SLC25A48: variants seen among roughly 807,000 people sequenced by gnomAD.
The protein encoded by SLC25A48 is solute carrier family 25 member 48.
In SLC25A48, 29 loss-of-function variants were observed where a neutral mutation model predicts 32.2. The ratio of observed to expected loss-of-function variants is 0.90; its 90% CI spans 0.67 to 1.23. The LOEUF (loss-of-function observed/expected upper bound fraction) is 1.23. Among genes scored for constraint, SLC25A48 ranks in the 50% most tolerant of loss-of-function variants. The probability of loss-of-function intolerance (pLI) is 0.00; values close to 1 mark genes in which losing one functional copy is unlikely to be tolerated. For synonymous variants in SLC25A48, 164 were observed against 172.3 expected (o/e 0.95, Z 0.38); for missense variants, 399 against 422.7 (o/e 0.94, Z 0.49).
chr5:135,792,963 A>G (rs2126634707), intron 3 of SLC25A48, among the ~76,000 whole-genome samples: 1 of 151,772 alleles, frequency 6.6e-6, no homozygotes, highest in African/African-American at 2.4e-5. Context: ...GTGGATATAC[A>G]CCATGTATGT....
At chr5:135,694,454 C>T (rs1754221361) in intron 3 of SLC25A48, among the ~76,000 whole-genome samples, 1 of 152,112 alleles carries the variant, frequency 6.6e-6, no homozygotes, top group African/African-American at 2.4e-5. Context: ...AAAATGGCTC[C>T]CCAGAAGCGG....
At chr5:135,626,566 C>CTG (rs138468493) in intron 1 of SLC25A48, among the ~76,000 whole-genome samples, 1 of 151,682 alleles carries the variant, frequency 6.6e-6, no homozygotes, top group African/African-American at 2.4e-5. Context: ...AAGTGTGTGT[C>CTG]TGTGTGTGTG....
At chr5:135,727,600 G>A (rs1003936424) in intron 3 of SLC25A48, among the ~76,000 whole-genome samples, 2 of 151,908 alleles carry the variant, frequency 1.3e-5, no homozygotes, top group Admixed American at 1.3e-4. Context: ...GTGAGATTTG[G>A]GTCAAGGGTT....
chr5:135,726,491 A>G (rs1755092229), intron 3 of SLC25A48, among the ~76,000 whole-genome samples: 1 of 151,948 alleles, frequency 6.6e-6, no homozygotes, highest in Non-Finnish European at 1.5e-5. Flanking sequence ...CTTCTTAACC[A>G]TTTGCAGCCA....
intron 3 of SLC25A48, among the ~76,000 whole-genome samples, chr5:135,685,553 C>A (rs1192673354): frequency 6.6e-6 from 1 of 151,820 alleles, no homozygotes; most frequent in South Asian, 2.1e-4. Context: ...ATACCTCGGC[C>A]TCCTGAGTAG....
chr5:135,816,878 T>C (rs767492926), intron 4 of SLC25A48, among the ~76,000 whole-genome samples: 4 of 152,172 alleles, frequency 2.6e-5, no homozygotes, highest in African/African-American at 4.8e-5. Context: ...GAATGTAACA[T>C]TGTATTTGAC....
chr5:135,686,645 C>A (rs1003665104), intron 3 of SLC25A48, among the ~76,000 whole-genome samples: 1 of 152,200 alleles, frequency 6.6e-6, no homozygotes, highest in Non-Finnish European at 1.5e-5. Context: ...GGGCTCAGTC[C>A]AGAACCTCAT....
At chr5:135,660,486 G>A (rs907546859) in intron 3 of SLC25A48, among the ~76,000 whole-genome samples, 1 of 152,186 alleles carries the variant, frequency 6.6e-6, no homozygotes, top group Non-Finnish European at 1.5e-5. Flanking sequence ...GGATAAAGAA[G>A]CTGTTCTCCA....
rs1344428869 is a variant in SLC25A48 at position 135,628,348 on chromosome 5, G to A, written c.-848-889G>A. On this transcript the variant is annotated intron_variant, in intron 1 of 10. Transcript: ENST00000646290. Reference sequence around the variant, plus strand: ...CCGAGGAACCTGGGGAGAATCCCTCGGAGGTTTTAGGCAAATGCAGAATAT... The same window carrying A: ...CCGAGGAACCTGGGGAGAATCCCTCAGAGGTTTTAGGCAAATGCAGAATAT... 2.6e-5 allele frequency among the ~76,000 whole-genome samples: 4 copies of A among 152,302 alleles called. No homozygotes were observed. The East Asian group carries it at 7.7e-4, about 29-fold the overall frequency.
chr5:135,664,758 T>G (rs1360987634), intron 3 of SLC25A48, among the ~76,000 whole-genome samples: 1 of 152,116 alleles, frequency 6.6e-6, no homozygotes, highest in African/African-American at 2.4e-5. Flanking sequence ...AAAGACATTA[T>G]TTTTTTTGTG....
intron 1 of SLC25A48, among the ~76,000 whole-genome samples, chr5:135,616,973 G>C (rs1475280898): frequency 1.3e-5 from 2 of 151,094 alleles, no homozygotes; most frequent in Non-Finnish European, 2.9e-5. Context: ...TGGCCTCATA[G>C]AATGAGTTAG....
At chr5:135,842,353 G>A in intron 1 of SLC25A48, 63 bp from the exon 2 acceptor site, 1 of 1,559,204 alleles carries the variant, frequency 6.4e-7, no homozygotes, top group Non-Finnish European at 8.8e-7. Context: ...TGTCCCAAGA[G>A]CTGGCTGGTG....
intron 3 of SLC25A48, among the ~76,000 whole-genome samples, chr5:135,741,256 A>G (rs938528588): frequency 2.0e-5 from 3 of 152,176 alleles, no homozygotes; most frequent in Non-Finnish European, 2.9e-5. Context: ...CCTTTTATTA[A>G]AGTTGACATC....
chr5:135,710,566 C>T (rs1444227981), intron 3 of SLC25A48, among the ~76,000 whole-genome samples: 1 of 152,248 alleles, frequency 6.6e-6, no homozygotes, highest in Non-Finnish European at 1.5e-5. Context: ...TGACTTTGAG[C>T]AAGTTGCCTT....
intron 3 of SLC25A48, 143 bp downstream of exon 3, chr5:135,850,639 C>A: frequency 1.4e-6 from 1 of 701,552 alleles, no homozygotes; most frequent in Non-Finnish European, 2.4e-6. Context: ...TACTTCATCT[C>A]ACACCACACC....
In SLC25A48 at chr5:135,874,171, C is replaced by A; in HGVS notation, c.813+17C>A. 7.0e-7 allele frequency: 1 copy of A among 1,430,118 alleles called. No individual in the cohort carries two copies. The highest frequency in any genetic ancestry group is 9.1e-7 in the Non-Finnish European group (1 of 1,100,150). The allele number at this position is 1,430,118 out of a possible 1,614,324, so 88.6% of individuals were successfully genotyped here. A position where few individuals can be genotyped will look rare whatever the true frequency, so the allele number is the denominator to read the frequency against. ...GGTCTTAAAGTAAGCCCACAGCAGG[C>A]CTGCGGGGTCAGTGTCAGTCCCTGG... On this transcript the variant is annotated intron_variant, in intron 6 of 7. Transcript: ENST00000681962.
At chr5:135,771,107 C>A (rs1257329382) in intron 3 of SLC25A48, among the ~76,000 whole-genome samples, 1 of 151,152 alleles carries the variant, frequency 6.6e-6, no homozygotes, top group Non-Finnish European at 1.5e-5. Context: ...GGGGTGTACA[C>A]CCCCCCGGTG....
intron 1 of SLC25A48, among the ~76,000 whole-genome samples, chr5:135,593,573 C>T (rs1181502643): frequency 6.6e-6 from 1 of 152,196 alleles, no homozygotes. Context: ...AGACAAAGTT[C>T]CAAGGGCTTC....
At chr5:135,828,274 G>T (rs567279159) in intron 4 of SLC25A48, among the ~76,000 whole-genome samples, 1 of 152,238 alleles carries the variant, frequency 6.6e-6, no homozygotes, top group African/African-American at 2.4e-5. Context: ...TAACACAGAC[G>T]TGAACACTCA....
Sources: allele counts gnomAD v4.1 joint callset (sites outside exome capture counted in the v4.1 genomes callset), GRCh38; gene constraint gnomAD v4.1.1; transcripts MANE v1.5; gene names NCBI Gene and HGNC (gene_info 2026-07-23, HGNC 2026-07-21).